Variants in PIK3R1 observed in about 807,000 individuals in gnomAD.
The protein encoded by PIK3R1 is phosphatidylinositol 3-kinase regulatory subunit alpha.
A neutral mutation model predicts 98.0 loss-of-function variants in PIK3R1; 29 were observed. That is an observed-to-expected ratio of 0.30 (90% CI 0.22 to 0.40). The LOEUF (loss-of-function observed/expected upper bound fraction) is 0.40. Ranked by LOEUF, PIK3R1 falls within the 10% of genes least tolerant of loss-of-function variation. PIK3R1 has a pLI of 1.00. For synonymous variants in PIK3R1, 282 were observed against 311.8 expected, an observed-to-expected ratio of 0.90 and a Z score of 1.01; for missense variants, 596 against 872.7, an observed-to-expected ratio of 0.68 and a Z score of 3.99.
chr5:68,248,473 C>T (rs930162481), intron 2 of PIK3R1, among the ~76,000 whole-genome samples: 1 of 152,152 alleles, frequency 6.6e-6, no homozygotes, highest in Admixed American at 6.5e-5. Context: ...ATTAAGATTA[C>T]CAAAGATTAG....
chr5:68,288,620 G>T (rs957722352), intron 7 of PIK3R1: 1 of 1,577,922 alleles, frequency 6.3e-7, no homozygotes. Context: ...AGCACTGCCT[G>T]CCGGGAACAG....
In PIK3R1 at chr5:68,249,106, C is replaced by G. The variant is rs574919049; in HGVS notation, c.334+22097C>G. Among the ~76,000 whole-genome samples the G allele has an allele frequency of 7.7e-4, 117 of 152,320 alleles. 1 individual carries two copies. The highest frequency in any genetic ancestry group is 2.7e-3 in the African/African-American group (114 of 41,562). Reference sequence around the variant, plus strand: ...GGAGGTTGAAATGCATTGTTATAATCAGGCTGTGTAATTTCCTTCTGTCAA... The same window carrying G: ...GGAGGTTGAAATGCATTGTTATAATGAGGCTGTGTAATTTCCTTCTGTCAA... On this transcript the variant is annotated intron_variant, in intron 2 of 15. Coordinates refer to ENST00000521381, the MANE Select transcript of PIK3R1 (RefSeq NM_181523.3).
chr5:68,220,085 T>C (rs774592637), intron 1 of PIK3R1, among the ~76,000 whole-genome samples: 1 of 152,150 alleles, frequency 6.6e-6, no homozygotes. Flanking sequence ...AAGTGCTTTA[T>C]GTATGTCATT....
intron 2 of PIK3R1, among the ~76,000 whole-genome samples, chr5:68,237,660 A>C (rs1240391558): frequency 1.3e-5 from 2 of 152,118 alleles, no homozygotes; most frequent in Non-Finnish European, 2.9e-5. Context: ...TAGTCCTGAC[A>C]CAGCTTCTTG....
chr5:68,237,424 G>T (rs920465129), intron 2 of PIK3R1, among the ~76,000 whole-genome samples: 2 of 152,106 alleles, frequency 1.3e-5, no homozygotes, highest in Non-Finnish European at 2.9e-5. Flanking sequence ...AATTCCAAGG[G>T]CAGAGGGGTG....
intron 8 of PIK3R1, chr5:68,292,775 CAGAG>C: frequency 8.0e-7 from 1 of 1,254,138 alleles, no homozygotes; most frequent in African/African-American, 1.5e-5. Context: ...GCTCATTTGT[CAGAG>C]AGATTGTAAT....
chr5:68,244,632 G>T (rs967913503), intron 2 of PIK3R1, among the ~76,000 whole-genome samples: 1 of 149,708 alleles, frequency 6.7e-6, no homozygotes, highest in East Asian at 2.0e-4. Context: ...ATTGTAATTC[G>T]TGCTGAATAT....
rs1335884149 is a variant in PIK3R1 at position 68,299,496 on chromosome 5, T to C, written c.*1895T>C. The C allele has an allele frequency of 1.7e-5, 4 of 233,254 alleles. No homozygotes were observed. Among genetic ancestry groups the C allele is most frequent in the African/African-American group, 4.4e-5 (2 of 45,332 alleles). The allele number at this position is 233,254 out of a possible 1,614,324, so 14.4% of individuals were successfully genotyped here. A position where few individuals can be genotyped will look rare whatever the true frequency, so the allele number is the denominator to read the frequency against. ...TTAGGGCAGGAGTGAGAGGTCTCTC[T>C]TCCTGATTTAGATATGCAAAAGCTG... On this transcript the variant is annotated 3_prime_UTR_variant, in exon 16 of 16. Coordinates refer to ENST00000521381, the MANE Select transcript of PIK3R1 (RefSeq NM_181523.3).
At chr5:68,286,920 T>A (rs770239940) in intron 7 of PIK3R1, among the ~76,000 whole-genome samples, 1 of 152,234 alleles carries the variant, frequency 6.6e-6, no homozygotes, top group Non-Finnish European at 1.5e-5. Context: ...GGGTATTCTC[T>A]GAACTAACCA....
chr5:68,274,907 G>A (rs1377792030), intron 4 of PIK3R1, among the ~76,000 whole-genome samples: 2 of 152,254 alleles, frequency 1.3e-5, no homozygotes, highest in East Asian at 1.9e-4. Flanking sequence ...CTGAAATTAG[G>A]TGTTTAAGCC....
chr5:68,249,197 A>G (rs1745210371), intron 2 of PIK3R1, among the ~76,000 whole-genome samples: 1 of 152,244 alleles, frequency 6.6e-6, no homozygotes, highest in Admixed American at 6.5e-5. Context: ...CTTTAGGAAA[A>G]GGAATATATG....
chr5:68,249,584 C>G lies in PIK3R1; in HGVS notation c.334+22575C>G, dbSNP rs141581795. Among the ~76,000 whole-genome samples the G allele has an allele frequency of 3.4e-3, 513 of 152,286 alleles. 7 individuals carry two copies. In the East Asian group the frequency reaches 0.041, roughly 12 times the overall value. ...ATTGGACTTCTTAACTAAACTATTT[C>G]TTTCACTAAATGACATTGGTTAATT... On this transcript the variant is annotated intron_variant, in intron 2 of 15. Coordinates refer to ENST00000521381, the MANE Select transcript of PIK3R1 (RefSeq NM_181523.3).
At chr5:68,282,704 G>A (rs560380076) in intron 7 of PIK3R1, among the ~76,000 whole-genome samples, 1 of 152,140 alleles carries the variant, frequency 6.6e-6, no homozygotes, top group Non-Finnish European at 1.5e-5. Flanking sequence ...TATGTCAAAG[G>A]ACCCTACATT....
At chr5:68,218,737 C>G (rs529641321) in intron 1 of PIK3R1, among the ~76,000 whole-genome samples, 26 of 152,318 alleles carry the variant, frequency 1.7e-4, no homozygotes, top group African/African-American at 6.3e-4. Context: ...TCCTCCAGCT[C>G]TCCCTCTTGC....
At chr5:68,283,070 G>A (rs1448044101) in intron 7 of PIK3R1, among the ~76,000 whole-genome samples, 1 of 152,224 alleles carries the variant, frequency 6.6e-6, no homozygotes, top group Non-Finnish European at 1.5e-5. Flanking sequence ...ATGATTCTTA[G>A]GCCTGGTTTA....
At chr5:68,286,125 A>T (rs1024314523) in intron 7 of PIK3R1, among the ~76,000 whole-genome samples, 2 of 152,238 alleles carry the variant, frequency 1.3e-5, no homozygotes, top group African/African-American at 4.8e-5. Flanking sequence ...TTAAGGATCA[A>T]GAGACATTTT....
chr5:68,280,606 T>C lies in PIK3R1; in HGVS notation c.713T>C (p.Leu238Pro), dbSNP rs1261257024. 1 of 1,613,600 alleles carries C rather than the reference T, an allele frequency of 6.2e-7. No homozygotes were observed. The highest frequency in any genetic ancestry group is 2.2e-5 in the East Asian group (1 of 44,860). The change falls in exon 6 of 16, where the codon CTT (leucine) becomes CCT (proline). Residue 238 changes from leucine to proline, a missense_variant. Leu to Pro is a moderately conservative substitution (Grantham distance 98). Around this residue, in one of 3 missense-constraint regions of PIK3R1, gnomAD observed 352 missense variants for 393.3 expected, o/e 0.90. Transcript: ENST00000521381. ...RSPSIPHQYW[L>P]TLQYLLKHFF... is the part of the protein sequence containing the mutation. ...CCTAGCATACCTCATCAGTATTGGCTTACGCTTCAGTATTTGTTAAAACAT... is the reference window on the plus strand; with the variant it reads ...CCTAGCATACCTCATCAGTATTGGCCTACGCTTCAGTATTTGTTAAAACAT...
At chr5:68,247,035 G>C (rs926129747) in intron 2 of PIK3R1, among the ~76,000 whole-genome samples, 1 of 152,150 alleles carries the variant, frequency 6.6e-6, no homozygotes, top group African/African-American at 2.4e-5. Flanking sequence ...AAAACTAAAA[G>C]GTGTTTGCCG....
At chr5:68,290,764 T>C (rs1193776816) in intron 7 of PIK3R1, 1 of 1,613,666 alleles carries the variant, frequency 6.2e-7, no homozygotes, top group Admixed American at 1.7e-5. Flanking sequence ...AAGACCTGGA[T>C]TTAGAATATG....
Sources: allele counts gnomAD v4.1 joint callset (sites outside exome capture counted in the v4.1 genomes callset), GRCh38; gene constraint gnomAD v4.1.1; regional missense constraint gnomAD v4.1.1; transcripts MANE v1.5; gene names NCBI Gene and HGNC (gene_info 2026-07-23, HGNC 2026-07-21).